LMBRD1: variants seen among roughly 807,000 people sequenced by gnomAD.
The protein encoded by LMBRD1 is LMBR1 domain containing 1.
LMBRD1 carries 64 observed loss-of-function variants against 74.8 expected under a neutral mutation model. The ratio of observed to expected loss-of-function variants is 0.86; its 90% confidence interval spans 0.70 to 1.05. The LOEUF is 1.05. LMBRD1 is among the 50% of genes least tolerant of loss of function. The probability of loss-of-function intolerance (pLI) is 0.00; values close to 1 mark genes in which losing one functional copy is unlikely to be tolerated. For synonymous variants in LMBRD1, 204 were observed against 216.3 expected, an observed-to-expected ratio of 0.94 and a Z score of 0.50; for missense variants, 652 against 645.9, an observed-to-expected ratio of 1.01 and a Z score of -0.10.
At chr6:69,759,292 A>T (rs1173289892) in intron 3 of LMBRD1, among the ~76,000 whole-genome samples, 1 of 152,132 alleles carries the variant, frequency 6.6e-6, no homozygotes, top group Non-Finnish European at 1.5e-5. Flanking sequence ...GCATTCTCTA[A>T]AATGTAGACA....
intron 2 of LMBRD1, among the ~76,000 whole-genome samples, chr6:69,784,944 T>C (rs1765915095): frequency 6.6e-6 from 1 of 152,164 alleles, no homozygotes. Context: ...AACCCACTTC[T>C]CACTTTCGTA....
intron 1 of LMBRD1, among the ~76,000 whole-genome samples, chr6:69,794,667 T>C (rs536593781): frequency 2.0e-5 from 3 of 152,360 alleles, no homozygotes; most frequent in Admixed American, 2.0e-4. Context: ...TTGAAAGACT[T>C]ACATCCACAA....
At chr6:69,733,801 A>G (rs1286504954) in intron 7 of LMBRD1, among the ~76,000 whole-genome samples, 1 of 152,216 alleles carries the variant, frequency 6.6e-6, no homozygotes, top group Admixed American at 6.5e-5. Flanking sequence ...TGAATAAGAA[A>G]CATTCTCACT....
intron 9 of LMBRD1, among the ~76,000 whole-genome samples, chr6:69,705,059 T>TCATA (rs1766222917): frequency 6.6e-6 from 1 of 152,102 alleles, no homozygotes; most frequent in African/African-American, 2.4e-5. Flanking sequence ...CTATGTCCTA[T>TCATA]CATAACATTC....
At chr6:69,721,973 C>A (rs1435008631) in intron 7 of LMBRD1, among the ~76,000 whole-genome samples, 3 of 152,020 alleles carry the variant, frequency 2.0e-5, no homozygotes, top group South Asian at 2.1e-4. Flanking sequence ...GACTCCTCTG[C>A]CTGTGGAAAG....
chr6:69,732,983 A>G (rs973578055), intron 7 of LMBRD1, among the ~76,000 whole-genome samples: 1 of 152,204 alleles, frequency 6.6e-6, no homozygotes, highest in Non-Finnish European at 1.5e-5. Flanking sequence ...TCCTTCTCCT[A>G]AAGCTCACTG....
chr6:69,795,625 T>C (rs530479602), intron 1 of LMBRD1, among the ~76,000 whole-genome samples: 11 of 152,332 alleles, frequency 7.2e-5, no homozygotes, highest in Admixed American at 2.0e-4. Flanking sequence ...GCTCTCCAAA[T>C]ACAGGACTGG....
chr6:69,716,880 T>A (rs770986812), intron 8 of LMBRD1, among the ~76,000 whole-genome samples: 28 of 150,268 alleles, frequency 1.9e-4, no homozygotes, highest in Non-Finnish European at 3.5e-4. Flanking sequence ...AAATAAATAT[T>A]TAATTATTAA....
At chr6:69,698,830 T>C (rs1313917066) in intron 13 of LMBRD1, among the ~76,000 whole-genome samples, 1 of 151,824 alleles carries the variant, frequency 6.6e-6, no homozygotes, top group Non-Finnish European at 1.5e-5. Context: ...TTTAAGAAAC[T>C]ACTGTAATGA....
chr6:69,752,145 G>A, intron 4 of LMBRD1, 114 bp downstream of exon 4: 1 of 930,658 alleles, frequency 1.1e-6, no homozygotes, highest in Non-Finnish European at 1.6e-6. Context: ...AGCTAACATT[G>A]TATTTCTATT....
intron 14 of LMBRD1, among the ~76,000 whole-genome samples, chr6:69,690,185 A>G (rs1765847918): frequency 6.6e-6 from 1 of 151,802 alleles, no homozygotes; most frequent in Admixed American, 6.6e-5. Context: ...TTGCAAGTCT[A>G]TTTATACTCA....
At chr6:69,680,939 A>G (rs1257696977) in intron 14 of LMBRD1, among the ~76,000 whole-genome samples, 1 of 152,100 alleles carries the variant, frequency 6.6e-6, no homozygotes, top group African/African-American at 2.4e-5. Flanking sequence ...TAATTATCCA[A>G]CTAAGAAAAT....
chr6:69,718,401 G>C (rs1298998287), intron 8 of LMBRD1, among the ~76,000 whole-genome samples: 11 of 152,110 alleles, frequency 7.2e-5, no homozygotes, highest in Admixed American at 7.2e-4. Flanking sequence ...CAAATTGCTA[G>C]TGTCCTACAT....
rs752377027 is a variant in LMBRD1 at position 69,713,653 on chromosome 6, G to A, written c.907C>T (p.Pro303Ser). Residue 303 changes from proline to serine, a missense_variant, in exon 9 of 16, where the codon CCC (proline) becomes TCC (serine). Pro to Ser is a moderately conservative substitution (Grantham distance 74). Transcript: ENST00000649934. Reference sequence around the variant, plus strand: ...TTAAAAACTTCATTTACCTTCAGGGGACGCAGAGCGCCACAAAATTTTGTC... The same window carrying A: ...TTAAAAACTTCATTTACCTTCAGGGAACGCAGAGCGCCACAAAATTTTGTC... ...WWTKFCGALR[P>S]LKIVWGIFFI... The A allele has an allele frequency of 6.2e-7, 1 of 1,613,456 alleles. No homozygotes were observed. Among genetic ancestry groups the A allele is most frequent in the Admixed American group, 1.7e-5 (1 of 59,944 alleles).
At chr6:69,790,027 T>C (rs1485467050) in intron 2 of LMBRD1, among the ~76,000 whole-genome samples, 1 of 152,248 alleles carries the variant, frequency 6.6e-6, no homozygotes, top group East Asian at 1.9e-4. Flanking sequence ...GCAAATCAAA[T>C]AAGCTTCAAG....
At chr6:69,780,320 C>T (rs765690053) in intron 3 of LMBRD1, among the ~76,000 whole-genome samples, 174 bp downstream of exon 3, 7 of 151,954 alleles carry the variant, frequency 4.6e-5, no homozygotes, top group Non-Finnish European at 8.8e-5. Context: ...TTCTTTCTTC[C>T]CCCTTCTTTC....
chr6:69,706,161 C>G (rs2445971), intron 9 of LMBRD1: 82,255 of 506,642 alleles, frequency 0.16, 7,407 homozygotes, highest in Non-Finnish European at 0.2. Context: ...AATCTTCCAT[C>G]AGGTGGCAGC....
intron 7 of LMBRD1, among the ~76,000 whole-genome samples, chr6:69,721,413 T>C (rs914107574): frequency 1.3e-5 from 2 of 152,196 alleles, no homozygotes; most frequent in Non-Finnish European, 2.9e-5. Flanking sequence ...AACAGGATAC[T>C]GTGCCAGAGT....
chr6:69,742,024 G>A, intron 5 of LMBRD1, 147 bp from the exon 6 acceptor site: 2 of 566,252 alleles, frequency 3.5e-6, no homozygotes, highest in South Asian at 4.9e-5. Flanking sequence ...TCTTATCTAT[G>A]CATTTACTTC....
Sources: gnomAD v4.1 joint callset for allele counts (sites outside exome capture counted in the v4.1 genomes callset) on GRCh38, gnomAD v4.1.1 for gene constraint, MANE v1.5 for transcripts, NCBI Gene and HGNC (gene_info 2026-07-23, HGNC 2026-07-21) for gene names.